The following SH3RF3 variants were observed in gnomAD, a reference collection of about 807,000 sequenced individuals.
SH3RF3 encodes the protein SH3 domain containing ring finger 3.
In SH3RF3, 29 loss-of-function variants were observed where a neutral mutation model predicts 66.3. That is an observed-to-expected ratio of 0.44 (90% CI 0.33 to 0.60). The LOEUF (loss-of-function observed/expected upper bound fraction) is 0.60. SH3RF3 is among the 20% of genes least tolerant of loss of function. SH3RF3 has a pLI of 0.04. For synonymous variants in SH3RF3, 583 were observed against 532.0 expected, an observed-to-expected ratio of 1.10 and a Z score of -1.32; for missense variants, 1,194 against 1,190.9, an observed-to-expected ratio of 1.00 and a Z score of -0.04.
chr2:109,351,997 C>G (rs867877121), intron 2 of SH3RF3, among the ~76,000 whole-genome samples: 8 of 152,226 alleles, frequency 5.3e-5, no homozygotes. Flanking sequence ...GGATAAAAAT[C>G]AAATATAGAG....
In SH3RF3 at chr2:109,484,544, GC is replaced by G. The variant is rs531393876; in HGVS notation, c.2149-6056del. On this transcript the variant is annotated intron_variant, in intron 8 of 9. Coordinates refer to ENST00000309415, the MANE Select transcript of SH3RF3 (RefSeq NM_001099289.3). ...TATATCAGCCCAGCTCTTGAGGCCCGCCCCCTCCTGTGGAGTTACCTCCTGC... is the reference window on the plus strand; with the variant it reads ...TATATCAGCCCAGCTCTTGAGGCCCGCCCCTCCTGTGGAGTTACCTCCTGC... Among the ~76,000 whole-genome samples, 283 of 152,130 alleles carry G rather than the reference GC, an allele frequency of 1.9e-3. 2 individuals are homozygous for G. The highest frequency in any genetic ancestry group is 5.2e-3 in the East Asian group (27 of 5,178).
chr2:109,311,481 A>G (rs1681721205), intron 1 of SH3RF3, among the ~76,000 whole-genome samples: 1 of 149,444 alleles, frequency 6.7e-6, no homozygotes, highest in Non-Finnish European at 1.5e-5. Context: ...TAGTGTTGGA[A>G]GTTCTGGCCA....
intron 1 of SH3RF3, among the ~76,000 whole-genome samples, chr2:109,240,683 G>A (rs1404053520): frequency 6.6e-6 from 1 of 152,054 alleles, no homozygotes; most frequent in Non-Finnish European, 1.5e-5. Flanking sequence ...GAGGCCATTA[G>A]GTGAGAATGC....
In SH3RF3 at chr2:109,432,763, C is replaced by A. The variant is rs895604390; in HGVS notation, c.1574+92C>A. On this transcript the variant is annotated intron_variant, in intron 6 of 9. Transcript: ENST00000309415. Reference sequence around the variant, plus strand: ...TTACTGCTGGAGGCTACTCTGTCAGCCGGGCCCAGAAGGCAGCAAGGCCAC... The same window carrying A: ...TTACTGCTGGAGGCTACTCTGTCAGACGGGCCCAGAAGGCAGCAAGGCCAC... 2.7e-6 allele frequency: 4 copies of A among 1,469,730 alleles called. No homozygotes were observed. In the African/African-American group the frequency reaches 4.2e-5, roughly 15 times the overall value. 91.0% of individuals were successfully genotyped at this position (1,469,730 alleles called of 1,614,324 possible).
chr2:109,444,926 T>A (rs577872369), intron 7 of SH3RF3, among the ~76,000 whole-genome samples: 357 of 151,998 alleles, frequency 2.3e-3, no homozygotes, highest in African/African-American at 8.0e-3. Flanking sequence ...GAATAACATA[T>A]ACACACACAA....
At chr2:109,487,753 C>T (rs549115245) in intron 8 of SH3RF3, among the ~76,000 whole-genome samples, 53 of 152,282 alleles carry the variant, frequency 3.5e-4, no homozygotes, top group African/African-American at 1.2e-3. Flanking sequence ...ATCTGCCCAC[C>T]GAGTCCCTCT....
intron 8 of SH3RF3, among the ~76,000 whole-genome samples, chr2:109,453,292 GC>G (rs1307970557): frequency 1.3e-5 from 2 of 152,192 alleles, no homozygotes; most frequent in African/African-American, 2.4e-5. Flanking sequence ...CTGTGGCCAG[GC>G]CCCCAACACC....
chr2:109,253,942 C>A (rs951601397), intron 1 of SH3RF3, among the ~76,000 whole-genome samples: 2 of 152,040 alleles, frequency 1.3e-5, no homozygotes, highest in African/African-American at 4.8e-5. Flanking sequence ...TTCCACAGCT[C>A]TTAAGGCTGT....
intron 1 of SH3RF3, among the ~76,000 whole-genome samples, chr2:109,266,677 C>T (rs1680504149): frequency 1.3e-5 from 2 of 152,044 alleles, no homozygotes; most frequent in Non-Finnish European, 2.9e-5. Flanking sequence ...GGAGCCAGTG[C>T]TCAGCCACAG....
Position 109,269,103 on chromosome 2 carries a change from G to A in SH3RF3, c.574-78571G>A, listed in dbSNP as rs369383759. 7.9e-5 allele frequency among the ~76,000 whole-genome samples: 12 copies of A among 152,302 alleles called. No homozygotes were observed. In the East Asian group the frequency reaches 9.7e-4, roughly 12 times the overall value. ...CATGGAGCCACGAGGCACAAGGGCCGCACGTGGATTTTGTGCTGAGTGGCA... is the reference window on the plus strand; with the variant it reads ...CATGGAGCCACGAGGCACAAGGGCCACACGTGGATTTTGTGCTGAGTGGCA... On this transcript the variant is annotated intron_variant, in intron 1 of 9. Transcript: ENST00000309415.
At chr2:109,380,471 G>A (rs1266692710) in intron 3 of SH3RF3, among the ~76,000 whole-genome samples, 1 of 152,146 alleles carries the variant, frequency 6.6e-6, no homozygotes. Flanking sequence ...ATCAAGCATG[G>A]GGAATGCCCC....
At chr2:109,466,139 G>A (rs796643289) in intron 8 of SH3RF3, among the ~76,000 whole-genome samples, 2 of 131,396 alleles carry the variant, frequency 1.5e-5, no homozygotes, top group African/African-American at 5.7e-5. Flanking sequence ...GAGTGCAGCA[G>A]TGCTATCTCG....
chr2:109,339,448 C>A (rs1682506258), intron 1 of SH3RF3, among the ~76,000 whole-genome samples: 1 of 152,146 alleles, frequency 6.6e-6, no homozygotes, highest in African/African-American at 2.4e-5. Context: ...GGCTGGAGAT[C>A]CAGGTCCCCA....
chr2:109,457,467 G>A (rs1340963915), intron 8 of SH3RF3, among the ~76,000 whole-genome samples: 1 of 152,244 alleles, frequency 6.6e-6, no homozygotes, highest in Non-Finnish European at 1.5e-5. Context: ...ATGTGTAATA[G>A]TTGTGAGGGT....
At chr2:109,476,745 T>A (rs1344881608) in intron 8 of SH3RF3, among the ~76,000 whole-genome samples, 1 of 152,244 alleles carries the variant, frequency 6.6e-6, no homozygotes, top group Non-Finnish European at 1.5e-5. Flanking sequence ...CAAGAATAGC[T>A]GTTCCATAGA....
chr2:109,446,242 C>T (rs1162104199), intron 7 of SH3RF3, among the ~76,000 whole-genome samples: 1 of 152,168 alleles, frequency 6.6e-6, no homozygotes, highest in African/African-American at 2.4e-5. Context: ...TGGTTCCATT[C>T]TGTGAAATCG....
At chr2:109,423,759 G>A (rs1046863245) in intron 5 of SH3RF3, among the ~76,000 whole-genome samples, 1 of 152,138 alleles carries the variant, frequency 6.6e-6, no homozygotes, top group Admixed American at 6.5e-5. Context: ...CAGGCATGGC[G>A]GCACCGTCCT....
intron 1 of SH3RF3, among the ~76,000 whole-genome samples, chr2:109,249,467 C>CTT (rs772762890): frequency 9.1e-5 from 9 of 99,368 alleles, no homozygotes; most frequent in South Asian, 8.0e-4. Context: ...TTCTCTCTTT[C>CTT]TCTTTCTTTC....
intron 1 of SH3RF3, among the ~76,000 whole-genome samples, chr2:109,339,554 C>G (rs2105521759): frequency 6.6e-6 from 1 of 152,294 alleles, no homozygotes; most frequent in Non-Finnish European, 1.5e-5. Context: ...TGGGGCCGAC[C>G]AGGCATCAGC....
Sources: allele counts gnomAD v4.1 joint callset (sites outside exome capture counted in the v4.1 genomes callset), GRCh38; gene constraint gnomAD v4.1.1; transcripts MANE v1.5; gene names NCBI Gene and HGNC (gene_info 2026-07-23, HGNC 2026-07-21).